SUPT3H: variants seen among roughly 807,000 people sequenced by gnomAD.
The protein encoded by SUPT3H is transcription initiation protein SPT3 homolog.
Under a neutral mutation model 44.3 loss-of-function variants are expected in SUPT3H, and 44 were observed. The observed-to-expected ratio is 0.99, with a 90% CI of 0.78 to 1.28. The LOEUF is 1.28. Ranked by LOEUF, SUPT3H falls within the 50% of genes most tolerant of loss-of-function variation. The probability of loss-of-function intolerance (pLI) is 0.00; values close to 1 mark genes in which losing one functional copy is unlikely to be tolerated. For synonymous variants in SUPT3H, 124 were observed against 125.6 expected, an observed-to-expected ratio of 0.99 and a Z score of 0.09; for missense variants, 380 against 387.1, an observed-to-expected ratio of 0.98 and a Z score of 0.15.
intron 6 of SUPT3H, among the ~76,000 whole-genome samples, chr6:44,975,678 G>T (rs890524983): frequency 2.0e-5 from 3 of 151,914 alleles, no homozygotes; most frequent in African/African-American, 4.8e-5. Flanking sequence ...CACCACTAAA[G>T]AACTTATACA....
chr6:45,106,590 G>A (rs1278906918), intron 2 of SUPT3H, among the ~76,000 whole-genome samples: 1 of 151,692 alleles, frequency 6.6e-6, no homozygotes, highest in Non-Finnish European at 1.5e-5. Context: ...AGGCTGTAGT[G>A]CAGTGGCACA....
chr6:45,353,438 C>A (rs936877562), intron 2 of SUPT3H, among the ~76,000 whole-genome samples: 1 of 151,674 alleles, frequency 6.6e-6, no homozygotes, highest in Non-Finnish European at 1.5e-5. Context: ...GCAGTACTGG[C>A]AAAGGAATAG....
At position 45,299,671 on chromosome 6, in the gene SUPT3H, T is replaced by C. The variant is rs1279893683; in HGVS notation, c.101+65530A>G. Among the ~76,000 whole-genome samples the C allele has an allele frequency of 4.0e-5, 6 of 150,940 alleles. No homozygotes were observed. The East Asian group carries it at 7.8e-4, about 20-fold the overall frequency. On this transcript the variant is annotated intron_variant, in intron 2 of 10. Coordinates refer to ENST00000371459, the MANE Select transcript of SUPT3H (RefSeq NM_003599.4). ...TAACAAGCCTATAATCCCAACACTT[T>C]GGGGAGGCTGAGGAAGGAAGATCAC...
chr6:45,106,744 C>G (rs1358451871), intron 2 of SUPT3H, among the ~76,000 whole-genome samples: 2 of 152,152 alleles, frequency 1.3e-5, no homozygotes, highest in Non-Finnish European at 2.9e-5. Context: ...CCATGTTAGC[C>G]AGGCTGGTCT....
chr6:44,816,889 C>T (rs1420951887), intron 11 of SUPT3H, among the ~76,000 whole-genome samples: 1 of 132,824 alleles, frequency 7.5e-6, no homozygotes, highest in Non-Finnish European at 1.6e-5. Flanking sequence ...CCTGTCACTA[C>T]AAAATAAAAC....
chr6:45,086,744 T>C (rs925942791), intron 3 of SUPT3H, among the ~76,000 whole-genome samples: 3 of 151,986 alleles, frequency 2.0e-5, no homozygotes, highest in Non-Finnish European at 2.9e-5. Flanking sequence ...AAACTGTGCA[T>C]CACTGGTACT....
chr6:45,333,627 T>A (rs1787956364), intron 2 of SUPT3H, among the ~76,000 whole-genome samples: 1 of 151,302 alleles, frequency 6.6e-6, no homozygotes, highest in South Asian at 2.1e-4. Flanking sequence ...ACTGCATCAT[T>A]TAACATGATA....
intron 10 of SUPT3H, among the ~76,000 whole-genome samples, chr6:44,931,048 G>A (rs1403358557): frequency 6.6e-6 from 1 of 152,152 alleles, no homozygotes; most frequent in East Asian, 1.9e-4. Flanking sequence ...GCTCTCAGGT[G>A]ATCTGTCCAG....
intron 2 of SUPT3H, among the ~76,000 whole-genome samples, chr6:45,115,588 TAAAC>T (rs1051068162): frequency 6.6e-6 from 1 of 152,102 alleles, no homozygotes; most frequent in African/African-American, 2.4e-5. Flanking sequence ...AACACTGATT[TAAAC>T]AAACAAACAA....
chr6:44,953,861 T>C (rs1464461250), intron 8 of SUPT3H, among the ~76,000 whole-genome samples: 1 of 152,038 alleles, frequency 6.6e-6, no homozygotes, highest in African/African-American at 2.4e-5. Flanking sequence ...CCTTCCTGAG[T>C]AGCTGGGACT....
chr6:44,928,896 A>AAAAAAAAAAAAAAAC (rs1770034568), intron 10 of SUPT3H, among the ~76,000 whole-genome samples: 1 of 132,440 alleles, frequency 7.6e-6, no homozygotes. Context: ...AAAAAAAAAA[A>AAAAAAAAAAAAAAAC]AAAAAAAAGA....
intron 10 of SUPT3H, among the ~76,000 whole-genome samples, chr6:44,918,115 G>T (rs1768097616): frequency 6.6e-6 from 1 of 152,056 alleles, no homozygotes; most frequent in African/African-American, 2.4e-5. Context: ...AATTAGCTAA[G>T]ATCTCTCTTT....
chr6:45,035,157 T>C (rs1314528872), intron 3 of SUPT3H, among the ~76,000 whole-genome samples: 19 of 152,174 alleles, frequency 1.2e-4, no homozygotes, highest in Non-Finnish European at 1.5e-5. Context: ...ATTTTTCATA[T>C]GGTTTATAAC....
intron 9 of SUPT3H, among the ~76,000 whole-genome samples, chr6:44,942,083 A>G (rs371829981): frequency 6.6e-6 from 1 of 152,198 alleles, no homozygotes; most frequent in Non-Finnish European, 1.5e-5. Context: ...AAATGTTTAA[A>G]TATACGGAGA....
intron 2 of SUPT3H, among the ~76,000 whole-genome samples, chr6:45,231,967 A>C (rs1010175844): frequency 6.6e-6 from 1 of 152,188 alleles, no homozygotes; most frequent in African/African-American, 2.4e-5. Context: ...TGTTTGATAA[A>C]TTTCTCATAA....
At chr6:44,850,690 C>T (rs1772715947) in intron 10 of SUPT3H, among the ~76,000 whole-genome samples, 1 of 151,974 alleles carries the variant, frequency 6.6e-6, no homozygotes, top group African/African-American at 2.4e-5. Context: ...TTATTTTGTT[C>T]ATTGTCAGTC....
chr6:45,156,759 A>G (rs947356384), intron 2 of SUPT3H, among the ~76,000 whole-genome samples: 1 of 151,780 alleles, frequency 6.6e-6, no homozygotes, highest in Non-Finnish European at 1.5e-5. Flanking sequence ...ATATATATAT[A>G]TATTTTAGAA....
chr6:45,043,142 T>TACAC (rs59321114), intron 3 of SUPT3H, among the ~76,000 whole-genome samples: 23,249 of 146,720 alleles, frequency 0.16, 2,073 homozygotes, highest in East Asian at 0.22. Context: ...CATACACACA[T>TACAC]ACACACACAC....
intron 2 of SUPT3H, among the ~76,000 whole-genome samples, chr6:45,161,768 T>C (rs1189980953): frequency 6.6e-6 from 1 of 152,170 alleles, no homozygotes; most frequent in African/African-American, 2.4e-5. Flanking sequence ...ATTATTCTTC[T>C]CTCGAATTTT....
Sources: gnomAD v4.1 joint callset for allele counts (sites outside exome capture counted in the v4.1 genomes callset) on GRCh38, gnomAD v4.1.1 for gene constraint, MANE v1.5 for transcripts, NCBI Gene and HGNC (gene_info 2026-07-23, HGNC 2026-07-21) for gene names.